DPYD: variants seen among roughly 807,000 people sequenced by gnomAD.
DPYD encodes dihydropyrimidine dehydrogenase [NADP(+)].
Under a neutral mutation model 116.2 loss-of-function variants are expected in DPYD, and 109 were observed. That is an observed-to-expected ratio of 0.94 (90% CI 0.80 to 1.10). The LOEUF (loss-of-function observed/expected upper bound fraction) is 1.10, where lower values mean the gene tolerates loss of function less well. DPYD is among the 50% of genes least tolerant of loss of function. The pLI is 0.00. For synonymous variants in DPYD, 440 were observed against 432.0 expected, an observed-to-expected ratio of 1.02 and a Z score of -0.23; for missense variants, 1,302 against 1,254.5, an observed-to-expected ratio of 1.04 and a Z score of -0.57.
chr1:97,406,544 C>T (rs1673666939), intron 14 of DPYD, among the ~76,000 whole-genome samples: 1 of 151,218 alleles, frequency 6.6e-6, no homozygotes, highest in Admixed American at 6.6e-5. Context: ...TAATGCTATC[C>T]CTCCCCTAGC....
intron 18 of DPYD, among the ~76,000 whole-genome samples, chr1:97,246,846 A>T (rs996402425): frequency 3.3e-5 from 5 of 152,142 alleles, no homozygotes; most frequent in Non-Finnish European, 7.4e-5. Context: ...TATTGTTAAT[A>T]AAAATAATAT....
chr1:97,730,603 A>C (rs1319964282), intron 4 of DPYD, among the ~76,000 whole-genome samples: 1 of 152,152 alleles, frequency 6.6e-6, no homozygotes, highest in East Asian at 1.9e-4. Flanking sequence ...TTGAATTATC[A>C]ATTAAATAAC....
At chr1:97,276,945 C>G (rs531687632) in intron 18 of DPYD, among the ~76,000 whole-genome samples, 2 of 152,174 alleles carry the variant, frequency 1.3e-5, no homozygotes, top group Non-Finnish European at 2.9e-5. Context: ...AGCAAAGACA[C>G]GGAAACAACC....
chr1:97,772,989 T>C (rs991171545), intron 3 of DPYD, among the ~76,000 whole-genome samples: 1 of 151,976 alleles, frequency 6.6e-6, no homozygotes, highest in African/African-American at 2.4e-5. Flanking sequence ...ACTTGGAGAG[T>C]AGAAAATCAG....
chr1:97,735,683 G>GTCAT (rs1171035787), intron 4 of DPYD, among the ~76,000 whole-genome samples: 4 of 125,592 alleles, frequency 3.2e-5, no homozygotes, highest in Non-Finnish European at 6.5e-5. Flanking sequence ...GCAAGACTCT[G>GTCAT]TCATAAATAA....
intron 2 of DPYD, among the ~76,000 whole-genome samples, chr1:97,857,220 A>C (rs906184294): frequency 6.6e-6 from 1 of 152,092 alleles, no homozygotes; most frequent in Admixed American, 6.5e-5. Flanking sequence ...ACATACACTG[A>C]AAATAGCCTA....
intron 18 of DPYD, among the ~76,000 whole-genome samples, chr1:97,272,760 T>C (rs1294152785): frequency 6.6e-6 from 1 of 152,142 alleles, no homozygotes; most frequent in Non-Finnish European, 1.5e-5. Context: ...TACTACAAGC[T>C]ATTTCATATC....
chr1:97,644,325 C>A (rs1455199779), intron 8 of DPYD, among the ~76,000 whole-genome samples: 3 of 152,102 alleles, frequency 2.0e-5, no homozygotes, highest in Non-Finnish European at 4.4e-5. Context: ...GTTAAAAATT[C>A]TTGCCATCGC....
intron 10 of DPYD, among the ~76,000 whole-genome samples, chr1:97,592,165 A>G (rs562353478): frequency 3.3e-5 from 5 of 152,312 alleles, no homozygotes; most frequent in Admixed American, 1.3e-4. Context: ...TCAAGTTCAT[A>G]ATACTGATTT....
intron 8 of DPYD, among the ~76,000 whole-genome samples, chr1:97,622,824 T>C (rs1249122041): frequency 6.6e-6 from 1 of 152,064 alleles, no homozygotes; most frequent in Non-Finnish European, 1.5e-5. Context: ...AATTAGATGT[T>C]ATTTTATGCA....
chr1:97,280,598 TG>T (rs1488015780), intron 18 of DPYD, among the ~76,000 whole-genome samples: 2 of 152,174 alleles, frequency 1.3e-5, no homozygotes, highest in Non-Finnish European at 2.9e-5. Flanking sequence ...GCAACATGGA[TG>T]AACCTGCAGG....
At chr1:97,864,570 A>T (rs1671279091) in intron 2 of DPYD, among the ~76,000 whole-genome samples, 1 of 151,824 alleles carries the variant, frequency 6.6e-6, no homozygotes, top group Non-Finnish European at 1.5e-5. Flanking sequence ...ATAAATCTTG[A>T]TAAGAGAAAG....
At chr1:97,489,253 G>T (rs766314415) in intron 13 of DPYD, among the ~76,000 whole-genome samples, 2 of 152,120 alleles carry the variant, frequency 1.3e-5, no homozygotes, top group Non-Finnish European at 2.9e-5. Flanking sequence ...TTAAGCAAGC[G>T]CACCAGGTTT....
At position 97,144,135 on chromosome 1, in the gene DPYD, T is replaced by C. The variant is rs546685873; in HGVS notation, c.2623-45503A>G. Among the ~76,000 whole-genome samples, 5 of 152,292 alleles carry C rather than the reference T, an allele frequency of 3.3e-5. No homozygotes were observed. The East Asian group carries it at 9.6e-4, about 29-fold the overall frequency. ...AAAGTATTCTCTGATTTTAAGACAT[T>C]TGCTGATTCAAGTGACTTTTTAAAG... On this transcript the variant is annotated intron_variant, in intron 20 of 22. Coordinates refer to ENST00000370192, the MANE Select transcript of DPYD (RefSeq NM_000110.4).
At chr1:97,450,527 A>G (rs1676356428) in intron 13 of DPYD, among the ~76,000 whole-genome samples, 1 of 152,164 alleles carries the variant, frequency 6.6e-6, no homozygotes, top group Non-Finnish European at 1.5e-5. Context: ...TTTGTTTGCA[A>G]TTAAATAATA....
chr1:97,721,913 T>C (rs868777752), intron 4 of DPYD, among the ~76,000 whole-genome samples: 8 of 151,664 alleles, frequency 5.3e-5, no homozygotes, highest in Non-Finnish European at 1.2e-4. Context: ...TTTGGAAAAC[T>C]GAAGTTTAAA....
At chr1:97,734,406 T>C (rs917036934) in intron 4 of DPYD, among the ~76,000 whole-genome samples, 2 of 152,192 alleles carry the variant, frequency 1.3e-5, no homozygotes, top group Admixed American at 6.5e-5. Context: ...CCAGCACCAA[T>C]ACTACATTGT....
chr1:97,645,376 C>A (rs1432860894), intron 8 of DPYD, among the ~76,000 whole-genome samples: 1 of 152,006 alleles, frequency 6.6e-6, no homozygotes, highest in Non-Finnish European at 1.5e-5. Flanking sequence ...AGCATCTCTT[C>A]AAAAGTTTAG....
intron 3 of DPYD, among the ~76,000 whole-genome samples, chr1:97,779,316 T>C (rs72734036): frequency 2.8e-4 from 41 of 144,502 alleles, no homozygotes; most frequent in East Asian, 1.4e-3. Context: ...CACACACACA[T>C]ACACACACAC....
Sources: gnomAD v4.1 joint callset for allele counts (sites outside exome capture counted in the v4.1 genomes callset) on GRCh38, gnomAD v4.1.1 for gene constraint, MANE v1.5 for transcripts, NCBI Gene and HGNC (gene_info 2026-07-23, HGNC 2026-07-21) for gene names.